PHF24: variants seen among roughly 807,000 people sequenced by gnomAD.
PHF24 encodes Galpha inhibitory interacting protein.
A neutral mutation model predicts 42.6 loss-of-function variants in PHF24; 25 were observed. The ratio of observed to expected loss-of-function variants is 0.59; its 90% confidence interval spans 0.43 to 0.82. The LOEUF (loss-of-function observed/expected upper bound fraction) is 0.82. Ranked by LOEUF, PHF24 falls within the 40% of genes least tolerant of loss-of-function variation. The probability of loss-of-function intolerance (pLI) is 0.00; values close to 1 mark genes in which losing one functional copy is unlikely to be tolerated. For synonymous variants in PHF24, 185 were observed against 204.8 expected, an observed-to-expected ratio of 0.90 and a Z score of 0.83; for missense variants, 470 against 538.1, an observed-to-expected ratio of 0.87 and a Z score of 1.25.
chr9:34,875,907 TACACACACACACACACAC>T, the PHF24 span, among the ~76,000 whole-genome samples: 7 of 116,192 alleles, frequency 6.0e-5, no homozygotes, highest in Non-Finnish European at 1.2e-4. Context: ...CTCTCTCTCT[TACACACACACACACACAC>T]ACACACACAC....
the PHF24 span, among the ~76,000 whole-genome samples, chr9:34,883,518 G>GA: frequency 1.3e-5 from 2 of 152,094 alleles, no homozygotes; most frequent in Admixed American, 6.5e-5. Flanking sequence ...AAATTTACAA[G>GA]AAAAAATCAA....
chr9:34,800,319 TC>T, the PHF24 span, among the ~76,000 whole-genome samples: 1 of 151,918 alleles, frequency 6.6e-6, no homozygotes, highest in Non-Finnish European at 1.5e-5. Flanking sequence ...ATGGAAAAAA[TC>T]ATAGGAATTT....
chr9:34,675,778 AG>A, the PHF24 span, among the ~76,000 whole-genome samples: 1 of 152,076 alleles, frequency 6.6e-6, no homozygotes, highest in African/African-American at 2.4e-5. Flanking sequence ...TCAGGAAACA[AG>A]GGCCCCTGGA....
chr9:34,670,495 T>G, the PHF24 span, among the ~76,000 whole-genome samples: 1 of 152,150 alleles, frequency 6.6e-6, no homozygotes, highest in Non-Finnish European at 1.5e-5. Flanking sequence ...CCATCGCCTC[T>G]CTCTCCCTTT....
At chr9:34,982,303 C>T (rs980802269) in exon 8 of PHF24, 4 of 152,204 alleles carry the variant, frequency 2.6e-5, no homozygotes, top group Non-Finnish European at 5.9e-5. Context: ...GTGAGAGGGA[C>T]TCTGAGAACA....
the PHF24 span, among the ~76,000 whole-genome samples, chr9:34,749,604 C>CATT: frequency 7.0e-6 from 1 of 143,754 alleles, no homozygotes; most frequent in Non-Finnish European, 1.5e-5. Context: ...GTTATTCATT[C>CATT]TTTTTTTTTT....
chr9:34,796,157 A>G, the PHF24 span, among the ~76,000 whole-genome samples: 1 of 152,158 alleles, frequency 6.6e-6, no homozygotes, highest in Non-Finnish European at 1.5e-5. Context: ...ATCCATATAC[A>G]TGTGGTCATC....
chr9:34,755,538 G>A, the PHF24 span, among the ~76,000 whole-genome samples: 1 of 152,120 alleles, frequency 6.6e-6, no homozygotes, highest in African/African-American at 2.4e-5. Flanking sequence ...TTTGAGAAAT[G>A]TCTGTTCAGA....
chr9:34,665,947 C>T, the PHF24 span: 1 of 512,426 alleles, frequency 2.0e-6, no homozygotes, highest in South Asian at 2.3e-5. Context: ...ATTTGGGGCC[C>T]TGGGTGAGGA....
chr9:34,902,106 GTAAA>G, the PHF24 span, among the ~76,000 whole-genome samples: 211 of 152,158 alleles, frequency 1.4e-3, no homozygotes, highest in African/African-American at 4.9e-3. Context: ...AGAGTCATGC[GTAAA>G]TAAATAAACA....
At chr9:34,704,188 G>A in the PHF24 span, among the ~76,000 whole-genome samples, 293 of 147,022 alleles carry the variant, frequency 2.0e-3, 2 homozygotes, top group African/African-American at 6.7e-3. Context: ...CACCGTGCCT[G>A]GCTAATTCTT....
the PHF24 span, among the ~76,000 whole-genome samples, chr9:34,774,629 T>C: frequency 6.6e-6 from 1 of 151,980 alleles, no homozygotes; most frequent in Non-Finnish European, 1.5e-5. Context: ...AAAAAATTAC[T>C]GGGAGCGGTG....
At chr9:34,854,785 A>C in the PHF24 span, among the ~76,000 whole-genome samples, 1 of 152,204 alleles carries the variant, frequency 6.6e-6, no homozygotes, top group African/African-American at 2.4e-5. Flanking sequence ...GTAGATATCG[A>C]TCAGGTCCAC....
At chr9:34,904,433 AG>A in the PHF24 span, among the ~76,000 whole-genome samples, 2 of 152,160 alleles carry the variant, frequency 1.3e-5, no homozygotes, top group Non-Finnish European at 2.9e-5. Flanking sequence ...TTAATCATAA[AG>A]GGATGCTGGA....
At chr9:34,745,775 A>C in the PHF24 span, among the ~76,000 whole-genome samples, 42 of 152,052 alleles carry the variant, frequency 2.8e-4, 1 homozygote, top group East Asian at 8.2e-3. Flanking sequence ...TTTCAAAAGT[A>C]AACAATTAGG....
the PHF24 span, among the ~76,000 whole-genome samples, chr9:34,849,606 A>G: frequency 2.6e-5 from 4 of 152,014 alleles, no homozygotes; most frequent in Admixed American, 2.6e-4. Context: ...TTTACCTTTA[A>G]AGTTAATATT....
the PHF24 span, among the ~76,000 whole-genome samples, chr9:34,853,811 G>A: frequency 7.0e-6 from 1 of 142,012 alleles, no homozygotes; most frequent in African/African-American, 2.6e-5. Flanking sequence ...CTGGGTGACA[G>A]AGCGAGACTC....
the PHF24 span, chr9:34,723,430 T>A: frequency 6.4e-7 from 1 of 1,551,784 alleles, no homozygotes; most frequent in Middle Eastern, 1.7e-4. Context: ...TGGAGCACCC[T>A]GTCGGCTTCT....
chr9:34,699,878 C>G, the PHF24 span, among the ~76,000 whole-genome samples: 2 of 152,300 alleles, frequency 1.3e-5, no homozygotes, highest in East Asian at 3.9e-4. Context: ...AAAATCTATA[C>G]TATCTCAGAT....
Sources: gnomAD v4.1 joint callset for allele counts (sites outside exome capture counted in the v4.1 genomes callset) on GRCh38, gnomAD v4.1.1 for gene constraint, MANE v1.5 for transcripts, NCBI Gene and HGNC (gene_info 2026-07-23, HGNC 2026-07-21) for gene names.